NRG1: variants seen among roughly 807,000 people sequenced by gnomAD.
The protein encoded by NRG1 is neuregulin 1.
Under a neutral mutation model 63.8 loss-of-function variants are expected in NRG1, and 18 were observed. That is an observed-to-expected ratio of 0.28 (90% CI 0.19 to 0.42). The LOEUF (loss-of-function observed/expected upper bound fraction) is 0.42. NRG1 is among the 10% of genes least tolerant of loss of function. The pLI is 1.00. For synonymous variants in NRG1, 302 were observed against 301.3 expected, an observed-to-expected ratio of 1.00 and a Z score of -0.02; for missense variants, 762 against 814.7, an observed-to-expected ratio of 0.94 and a Z score of 0.79.
rs540198334 is a variant in NRG1, at chr8:31,748,606, A to C, written c.37+109175A>C. Reference sequence around the variant, plus strand: ...CAGTGACATTTTTAGTCCAAGACCTAGATACAGACAACAGGAGATCATGTG... The same window carrying C: ...CAGTGACATTTTTAGTCCAAGACCTCGATACAGACAACAGGAGATCATGTG... On this transcript the variant is annotated intron_variant, in intron 1 of 10. Coordinates refer to the NRG1 transcript ENST00000519301. 2.4e-4 allele frequency among the ~76,000 whole-genome samples: 36 copies of C among 152,072 alleles called. No individual in the cohort carries two copies. The South Asian group carries it at 6.0e-3, about 25-fold the overall frequency.
chr8:31,716,055 A>G (rs1812316738), intron 1 of NRG1, among the ~76,000 whole-genome samples: 1 of 152,346 alleles, frequency 6.6e-6, no homozygotes, highest in African/African-American at 2.4e-5. Context: ...TGAAATCGAC[A>G]TGAATAATAC....
intron 6 of NRG1, among the ~76,000 whole-genome samples, chr8:32,730,357 G>T (rs977312167): frequency 4.6e-5 from 7 of 152,146 alleles, no homozygotes; most frequent in Non-Finnish European, 8.8e-5. Flanking sequence ...GGAGGCTAAG[G>T]TGGGGGGATC....
At chr8:32,021,930 C>A (rs1254500697) in intron 1 of NRG1, among the ~76,000 whole-genome samples, 3 of 151,912 alleles carry the variant, frequency 2.0e-5, no homozygotes, top group Non-Finnish European at 4.4e-5. Flanking sequence ...AACTGAGTTG[C>A]CAGATATCCA....
chr8:32,752,468 A>G (rs1386762648), intron 7 of NRG1, among the ~76,000 whole-genome samples: 2 of 152,156 alleles, frequency 1.3e-5, no homozygotes, highest in Non-Finnish European at 2.9e-5. Context: ...GTTTCACCGC[A>G]ATGCACCAGC....
At chr8:32,223,496 T>C (rs1341853285) in intron 1 of NRG1, among the ~76,000 whole-genome samples, 4 of 152,200 alleles carry the variant, frequency 2.6e-5, no homozygotes, top group African/African-American at 9.7e-5. Context: ...CTCTGAACCT[T>C]GGTTTCCTTC....
At chr8:31,816,382 T>C (rs1367297203) in intron 1 of NRG1, among the ~76,000 whole-genome samples, 1 of 152,218 alleles carries the variant, frequency 6.6e-6, no homozygotes, top group Non-Finnish European at 1.5e-5. Context: ...TCCAGCATGA[T>C]TCTTACTTAG....
intron 1 of NRG1, among the ~76,000 whole-genome samples, chr8:32,241,905 C>G (rs1056959007): frequency 6.6e-6 from 1 of 151,816 alleles, no homozygotes; most frequent in Non-Finnish European, 1.5e-5. Context: ...ACTACAGGTC[C>G]CAGGTGCCCA....
chr8:32,343,915 C>T lies in NRG1; in HGVS notation c.38-251913C>T, dbSNP rs578195260. Reference sequence around the variant, plus strand: ...TCTAAAAATTCAGTCCTAGTCCTACCGAGTCCATTAGAGAAGGTCTGCAGT... The same window carrying T: ...TCTAAAAATTCAGTCCTAGTCCTACTGAGTCCATTAGAGAAGGTCTGCAGT... On this transcript the variant is annotated intron_variant, in intron 1 of 10. Transcript: ENST00000519301. 1.0e-3 allele frequency among the ~76,000 whole-genome samples: 159 copies of T among 152,272 alleles called. 1 individual carries two copies. Among genetic ancestry groups the T allele is most frequent in the African/African-American group, 3.6e-3 (151 of 41,552 alleles).
chr8:32,571,049 G>A (rs974772530), intron 1 of NRG1, among the ~76,000 whole-genome samples: 6 of 152,140 alleles, frequency 3.9e-5, no homozygotes, highest in Non-Finnish European at 5.9e-5. Flanking sequence ...CGCCTGGTTA[G>A]GTCCTAGAAA....
chr8:32,405,474 C>T (rs1196409819), intron 1 of NRG1, among the ~76,000 whole-genome samples: 1 of 152,176 alleles, frequency 6.6e-6, no homozygotes, highest in African/African-American at 2.4e-5. Flanking sequence ...CTGTTATATA[C>T]ATAGATGAGT....
intron 5 of NRG1, among the ~76,000 whole-genome samples, chr8:32,667,029 G>A (rs773642929): frequency 6.6e-6 from 1 of 152,214 alleles, no homozygotes. Context: ...TAAGAAATAC[G>A]TCATTGGACC....
chr8:31,930,344 C>G (rs900545498), intron 1 of NRG1, among the ~76,000 whole-genome samples: 2 of 152,120 alleles, frequency 1.3e-5, no homozygotes, highest in East Asian at 3.9e-4. Context: ...GCTGTGAGCT[C>G]TAATGGGGGC....
intron 1 of NRG1, among the ~76,000 whole-genome samples, chr8:31,820,411 G>A (rs2129603442): frequency 6.6e-6 from 1 of 152,286 alleles, no homozygotes; most frequent in South Asian, 2.1e-4. Context: ...TTTATTTCAT[G>A]AGCATATGGC....
chr8:32,733,433 A>T (rs1824246119), intron 6 of NRG1, among the ~76,000 whole-genome samples: 1 of 152,122 alleles, frequency 6.6e-6, no homozygotes, highest in South Asian at 2.1e-4. Flanking sequence ...TTTAAGTTTG[A>T]TAGATAAAAT....
upstream of NRG1, among the ~76,000 whole-genome samples, chr8:32,543,706 A>G (rs1832789595): frequency 6.6e-6 from 1 of 152,216 alleles, no homozygotes; most frequent in East Asian, 1.9e-4. Flanking sequence ...ACACAAGCAG[A>G]AAAACATAAA....
At chr8:32,648,216 G>C (rs555854141) in intron 5 of NRG1, 1 of 1,614,014 alleles carries the variant, frequency 6.2e-7, no homozygotes, top group Non-Finnish European at 8.5e-7. Context: ...TGTCTCCTTT[G>C]AACCATCAGC....
At chr8:32,073,653 G>C (rs1826076929) in intron 1 of NRG1, among the ~76,000 whole-genome samples, 1 of 152,252 alleles carries the variant, frequency 6.6e-6, no homozygotes, top group Admixed American at 6.5e-5. Flanking sequence ...AACATATCTA[G>C]GCATTTGCTA....
intron 2 of NRG1, among the ~76,000 whole-genome samples, chr8:32,601,289 A>G (rs918117228): frequency 3.3e-5 from 5 of 152,158 alleles, no homozygotes; most frequent in African/African-American, 1.2e-4. Context: ...TTAAGCTTTC[A>G]TTTTAAAACA....
chr8:32,336,533 A>G (rs1803289834), intron 1 of NRG1, among the ~76,000 whole-genome samples: 1 of 152,224 alleles, frequency 6.6e-6, no homozygotes, highest in South Asian at 2.1e-4. Flanking sequence ...TGGGTGGCTT[A>G]ATGAAAAAGA....
Sources: gnomAD v4.1 joint callset for allele counts (sites outside exome capture counted in the v4.1 genomes callset) on GRCh38, gnomAD v4.1.1 for gene constraint, MANE v1.5 for transcripts, NCBI Gene and HGNC (gene_info 2026-07-23, HGNC 2026-07-21) for gene names.